Variants in DSCAM observed in about 807,000 individuals in gnomAD.
The protein encoded by DSCAM is cell adhesion molecule DSCAM.
A neutral mutation model predicts 217.7 loss-of-function variants in DSCAM; 47 were observed. The observed-to-expected ratio is 0.22, with a 90% CI of 0.17 to 0.28. DSCAM has a LOEUF of 0.28. Among genes scored for constraint, DSCAM ranks in the 10% least tolerant of loss-of-function variants. The probability of loss-of-function intolerance (pLI) is 1.00; values close to 1 mark genes in which losing one functional copy is unlikely to be tolerated. For synonymous variants in DSCAM, 1,056 were observed against 1,015.3 expected (o/e 1.04, Z -0.76); for missense variants, 2,080 against 2,618.3 (o/e 0.79, Z 4.49).
chr21:40,093,162 C>A (rs1002620746), intron 21 of DSCAM, among the ~76,000 whole-genome samples: 3 of 152,082 alleles, frequency 2.0e-5, no homozygotes, highest in Admixed American at 6.6e-5. Flanking sequence ...GCAAGAATAC[C>A]CCGTGCCTGC....
At chr21:40,494,375 T>C (rs144047693) in intron 3 of DSCAM, among the ~76,000 whole-genome samples, 407 of 152,150 alleles carry the variant, frequency 2.7e-3, no homozygotes, top group African/African-American at 8.3e-3. Context: ...TCTAGGGAGA[T>C]TGAAATCACA....
At position 40,246,717 on chromosome 21, in the gene DSCAM, C is replaced by A. The variant is rs145011545; in HGVS notation, c.2356+29380G>T. Among the ~76,000 whole-genome samples the A allele has an allele frequency of 3.2e-4, 48 of 152,090 alleles. 2 individuals carry two copies. The East Asian group carries it at 7.2e-3, about 23-fold the overall frequency. ...CCACAGTGGATAGCCTGGAGAGGGC[C>A]CAAGTTTAAATCTCAGCTTTTTAAT... On this transcript the variant is annotated intron_variant, in intron 11 of 32. Coordinates refer to ENST00000400454, the MANE Select transcript of DSCAM (RefSeq NM_001389.5).
intron 3 of DSCAM, among the ~76,000 whole-genome samples, chr21:40,370,824 G>A (rs1237583173): frequency 6.6e-6 from 1 of 151,992 alleles, no homozygotes; most frequent in Admixed American, 6.6e-5. Context: ...ATCTCACCAT[G>A]TTGCCCAGGC....
At chr21:40,079,006 TCA>T in intron 25 of DSCAM, 29 bp from the exon 26 acceptor site, 1 of 1,605,586 alleles carries the variant, frequency 6.2e-7, no homozygotes. Flanking sequence ...GGAGGTCAGC[TCA>T]CAGGACACAT....
chr21:40,701,362 A>AT (rs2090654642), intron 2 of DSCAM, among the ~76,000 whole-genome samples: 1 of 152,128 alleles, frequency 6.6e-6, no homozygotes, highest in South Asian at 2.1e-4. Context: ...AATTTTAACA[A>AT]TTTTTTTAAA....
chr21:40,270,811 AC>A (rs1489929730), intron 11 of DSCAM, among the ~76,000 whole-genome samples: 1 of 152,120 alleles, frequency 6.6e-6, no homozygotes. Context: ...AAGAAGTATC[AC>A]AGAGCAATGC....
intron 15 of DSCAM, among the ~76,000 whole-genome samples, chr21:40,171,586 G>T (rs1601406614): frequency 6.7e-6 from 1 of 148,552 alleles, no homozygotes. Context: ...AAAAAAAAAA[G>T]TGATGAAAAC....
chr21:40,236,201 G>A (rs891723005), intron 11 of DSCAM, among the ~76,000 whole-genome samples: 9 of 152,218 alleles, frequency 5.9e-5, no homozygotes, highest in African/African-American at 1.9e-4. Flanking sequence ...ATAGGTAGCA[G>A]GTTGCCTTGC....
chr21:40,360,749 A>G lies in DSCAM; in HGVS notation c.656-7006T>C, dbSNP rs182512373. ...CCTGGGCTGATTTCATGTCTTTGCT[A>G]TTGTGAATAGCCCAGCGATGAACAT... On this transcript the variant is annotated intron_variant, in intron 4 of 32. Transcript: ENST00000400454. Among the ~76,000 whole-genome samples, 270 of 152,196 alleles carry G rather than the reference A, an allele frequency of 1.8e-3. 2 individuals are homozygous for G. The highest frequency in any genetic ancestry group is 5.0e-3 in the African/African-American group (207 of 41,520).
intron 32 of DSCAM, among the ~76,000 whole-genome samples, chr21:40,029,728 G>C (rs979750801): frequency 6.6e-6 from 1 of 152,110 alleles, no homozygotes; most frequent in African/African-American, 2.4e-5. Flanking sequence ...TCTGAAGTCT[G>C]GGTATCTGTC....
intron 3 of DSCAM, among the ~76,000 whole-genome samples, chr21:40,508,572 C>G: frequency 6.6e-6 from 1 of 150,898 alleles, no homozygotes; most frequent in Non-Finnish European, 1.5e-5. Context: ...TTGTTATCAT[C>G]ATTATTATTA....
At chr21:40,790,246 A>ATC (rs2091629819) in intron 1 of DSCAM, among the ~76,000 whole-genome samples, 1 of 148,760 alleles carries the variant, frequency 6.7e-6, no homozygotes, top group Non-Finnish European at 1.5e-5. Flanking sequence ...CAGTGGCGCA[A>ATC]TCTCGGCTCA....
At chr21:40,498,666 C>G (rs1444222851) in intron 3 of DSCAM, among the ~76,000 whole-genome samples, 1 of 51,046 alleles carries the variant, frequency 2.0e-5, no homozygotes, top group Non-Finnish European at 3.6e-5. Flanking sequence ...TATATATATA[C>G]CCATATATAT....
chr21:40,105,723 C>T (rs533777132), intron 20 of DSCAM, among the ~76,000 whole-genome samples: 11 of 152,232 alleles, frequency 7.2e-5, no homozygotes, highest in East Asian at 5.8e-4. Flanking sequence ...AAAAAGACCA[C>T]TATTAAATGA....
intron 3 of DSCAM, among the ~76,000 whole-genome samples, chr21:40,422,284 G>A (rs1056304023): frequency 1.3e-5 from 2 of 152,142 alleles, no homozygotes; most frequent in Non-Finnish European, 2.9e-5. Context: ...TAAAAGGTTC[G>A]TTGACATATT....
At chr21:40,497,247 G>A (rs754078556) in intron 3 of DSCAM, among the ~76,000 whole-genome samples, 15 of 152,086 alleles carry the variant, frequency 9.9e-5, no homozygotes, top group Non-Finnish European at 1.6e-4. Flanking sequence ...ATCAACCTAA[G>A]TGTCAACAGA....
chr21:40,192,875 T>C (rs751066123), intron 11 of DSCAM, among the ~76,000 whole-genome samples: 1 of 152,254 alleles, frequency 6.6e-6, no homozygotes, highest in Non-Finnish European at 1.5e-5. Context: ...GTAATTATAC[T>C]ATAAATATTC....
At chr21:40,152,279 T>C (rs115619898) in intron 16 of DSCAM, among the ~76,000 whole-genome samples, 1 of 152,224 alleles carries the variant, frequency 6.6e-6, no homozygotes, top group Non-Finnish European at 1.5e-5. Flanking sequence ...ACCGACTTCT[T>C]TCCTAAGTGA....
chr21:40,078,728 G>A lies in DSCAM; in HGVS notation c.4670C>T (p.Ala1557Val), dbSNP rs374349326. The A allele has an allele frequency of 3.9e-5, 63 of 1,614,196 alleles. No individual in the cohort carries two copies. The highest frequency in any genetic ancestry group is 8.3e-5 in the Admixed American group (5 of 60,022). Residue 1557 changes from alanine to valine, a missense_variant, in exon 26 of 33, where the codon GCG becomes GTG. Transcript: ENST00000400454. ...CGTAGCGAAGTTGGCCTGCTTCTCC[G>A]CGCAGCCCGCACTGTTGCACACCCG... ...QMRVCNSAGC[A>V]EKQANFATLN... is the part of the protein sequence containing the mutation.
Sources: gnomAD v4.1 joint callset for allele counts (sites outside exome capture counted in the v4.1 genomes callset) on GRCh38, gnomAD v4.1.1 for gene constraint, MANE v1.5 for transcripts, NCBI Gene and HGNC (gene_info 2026-07-23, HGNC 2026-07-21) for gene names.